INTS6L: variants seen among roughly 807,000 people sequenced by gnomAD.
The protein encoded by INTS6L is integrator complex subunit 6-like.
INTS6L carries 18 observed loss-of-function variants against 64.7 expected under a neutral mutation model. That is an observed-to-expected ratio of 0.28 (90% CI 0.19 to 0.41). The LOEUF is 0.41. Ranked by LOEUF, INTS6L falls within the 10% of genes least tolerant of loss-of-function variation. The pLI is 1.00. For synonymous variants in INTS6L, 227 were observed against 235.9 expected (o/e 0.96, Z 0.34); for missense variants, 533 against 661.0 (o/e 0.81, Z 2.12).
chrX:135,540,935 C>T (rs1222746222), intron 2 of INTS6L, among the ~76,000 whole-genome samples: 2 of 111,432 alleles, frequency 1.8e-5, no homozygotes, highest in African/African-American at 3.3e-5. Flanking sequence ...TCACCATACC[C>T]GGCTATTTTT....
intron 12 of INTS6L, among the ~76,000 whole-genome samples, 184 bp from the exon 13 acceptor site, chrX:135,573,755 A>G (rs1256006046): frequency 8.9e-6 from 1 of 112,409 alleles, no homozygotes; most frequent in African/African-American, 3.2e-5. Context: ...TGGCTTTAAT[A>G]CCCTGTAGGT....
At chrX:135,547,114 A>G (rs782795978) in intron 5 of INTS6L, 23 bp from the exon 6 acceptor site, 128 of 1,199,321 alleles carry the variant, frequency 1.1e-4, no homozygotes, top group Non-Finnish European at 1.4e-4. Flanking sequence ...AACTTGTGCT[A>G]TTTATTTTTC....
At chrX:135,542,674 A>C (rs1237286862) in intron 2 of INTS6L, among the ~76,000 whole-genome samples, 1 of 112,008 alleles carries the variant, frequency 8.9e-6, no homozygotes, top group East Asian at 2.8e-4. Context: ...ATTTTAAATA[A>C]AGATGAGTCA....
chrX:135,545,300 G>T, intron 2 of INTS6L, 123 bp from the exon 3 acceptor site: 3 of 882,258 alleles, frequency 3.4e-6, no homozygotes, highest in Non-Finnish European at 4.7e-6. Flanking sequence ...TGAAGATATA[G>T]AATAGAATTA....
chrX:135,537,735 C>T (rs1421980148), intron 2 of INTS6L, among the ~76,000 whole-genome samples: 1 of 111,940 alleles, frequency 8.9e-6, no homozygotes, highest in African/African-American at 3.3e-5. Context: ...TCTAACAAGA[C>T]ATATTTGTGA....
chrX:135,551,264 C>T (rs1195781638), intron 7 of INTS6L, among the ~76,000 whole-genome samples: 1 of 112,073 alleles, frequency 8.9e-6, no homozygotes, highest in African/African-American at 3.2e-5. Context: ...ATTGCCCTTG[C>T]TGTTCGCCTT....
intron 9 of INTS6L, among the ~76,000 whole-genome samples, chrX:135,560,105 T>C (rs2086744651): frequency 8.9e-6 from 1 of 112,619 alleles, no homozygotes; most frequent in Admixed American, 9.4e-5. Flanking sequence ...TCATTGGTGT[T>C]ACGCAGTTTT....
At chrX:135,530,979 C>T (rs1556504546) in intron 2 of INTS6L, among the ~76,000 whole-genome samples, 1 of 111,951 alleles carries the variant, frequency 8.9e-6, no homozygotes, top group East Asian at 2.8e-4. Flanking sequence ...TATATCCTGC[C>T]CTGTAGCTCA....
chrX:135,572,570 C>T (rs782180150), intron 11 of INTS6L: 46 of 288,605 alleles, frequency 1.6e-4, no homozygotes, highest in Non-Finnish European at 2.6e-4. Context: ...TTTTTATTCT[C>T]TCCATGATTT....
Position 135,581,160 on chromosome X carries a change from A to G in INTS6L, c.2588+17A>G. On this transcript the variant is annotated intron_variant, in intron 17 of 17. Coordinates refer to ENST00000639893, the MANE Select transcript of INTS6L (RefSeq NM_001351601.3). ...AGCCGCAAGGTAGGTATAAACAGGA[A>G]CTCTTCAATTTTTTGTTTTTGTTTT... 1 of 1,137,155 alleles carries G rather than the reference A, an allele frequency of 8.8e-7. No homozygotes were observed. Among genetic ancestry groups the G allele is most frequent in the East Asian group, 3.1e-5 (1 of 32,436 alleles). The allele number at this position is 1,137,155 out of a possible 1,213,427, so 93.7% of individuals were successfully genotyped here.
chrX:135,552,150 C>T lies in INTS6L; in HGVS notation c.1059+4C>T. ...GTCTCCCCATACCTGCTGGCAGGTA[C>T]TTATCCTTACCTATTAGCTAAATGT... is the stretch of plus-strand genomic sequence containing the variant. On this transcript the variant is annotated splice_donor_region_variant and intron_variant, in intron 8 of 17. Transcript: ENST00000639893. The T allele has an allele frequency of 2.5e-6, 3 of 1,177,317 alleles. No homozygotes were observed. The highest frequency in any genetic ancestry group is 3.4e-6 in the Non-Finnish European group (3 of 881,394).
chrX:135,521,294 C>G lies in INTS6L; in HGVS notation c.165C>G (p.Tyr55Ter), dbSNP rs781812012. The change falls in exon 2 of 18, where the codon TAC becomes TAG. Residue 55 changes from tyrosine (Y) to a stop codon, truncating the protein, a stop_gained. Coordinates refer to ENST00000639893, the MANE Select transcript of INTS6L (RefSeq NM_001351601.3). LOFTEE classifies it high-confidence loss of function. ...SRGDRYMLVTYDEPPYCIKAG... is the reference protein window; with the variant it reads ...SRGDRYMLVT Reference sequence around the variant, plus strand: ...GAGACAGGTACATGCTGGTCACCTACGACGAACCCCCGTACTGCATCAAGG... The same window carrying G: ...GAGACAGGTACATGCTGGTCACCTAGGACGAACCCCCGTACTGCATCAAGG... 1 of 1,204,388 alleles carries G rather than the reference C, an allele frequency of 8.3e-7. No individual in the cohort carries two copies. Among genetic ancestry groups the G allele is most frequent in the African/African-American group, 1.8e-5 (1 of 56,943 alleles).
intron 2 of INTS6L, among the ~76,000 whole-genome samples, chrX:135,522,349 C>CG (rs1335754228): frequency 9.0e-6 from 1 of 110,923 alleles, no homozygotes; most frequent in East Asian, 2.8e-4. Context: ...TAGTCAAGTT[C>CG]GATGATTTGA....
chrX:135,563,587 A>ATG (rs1556523130), intron 9 of INTS6L, among the ~76,000 whole-genome samples: 2 of 96,711 alleles, frequency 2.1e-5, no homozygotes, highest in South Asian at 4.7e-4. Context: ...ATATATACAT[A>ATG]TATATATGTA....
intron 15 of INTS6L, 49 bp downstream of exon 15, chrX:135,577,476 C>T (rs781879522): frequency 1.8e-5 from 20 of 1,105,113 alleles, no homozygotes; most frequent in South Asian, 2.0e-5. Flanking sequence ...AGGACTAAGA[C>T]GCTAAACAAT....
chrX:135,558,637 A>G (rs986299689), intron 9 of INTS6L, among the ~76,000 whole-genome samples: 1 of 111,474 alleles, frequency 9.0e-6, no homozygotes, highest in African/African-American at 3.3e-5. Context: ...TCAGTGGGTA[A>G]TAGAGTTTCA....
intron 9 of INTS6L, among the ~76,000 whole-genome samples, chrX:135,561,449 A>T (rs1477875199): frequency 9.0e-6 from 1 of 111,714 alleles, no homozygotes; most frequent in Non-Finnish European, 1.9e-5. Flanking sequence ...TTCTTGAGTA[A>T]TTTTGTGTCT....
At chrX:135,553,481 A>T (rs2086556740) in intron 8 of INTS6L, among the ~76,000 whole-genome samples, 1 of 80,784 alleles carries the variant, frequency 1.2e-5, no homozygotes, top group Admixed American at 1.4e-4. Context: ...AATTTTTTAA[A>T]TTTTTTTTTT....
intron 9 of INTS6L, among the ~76,000 whole-genome samples, chrX:135,558,281 C>A (rs143726827): frequency 0.085 from 9,430 of 111,219 alleles, 657 homozygotes; most frequent in African/African-American, 0.22. Context: ...CCATATGATC[C>A]AGCAATCCCA....
Sources: allele counts gnomAD v4.1 joint callset (sites outside exome capture counted in the v4.1 genomes callset), GRCh38; gene constraint gnomAD v4.1.1; transcripts MANE v1.5; gene names NCBI Gene and HGNC (gene_info 2026-07-23, HGNC 2026-07-21).